NAALAD2: variants seen among roughly 807,000 people sequenced by gnomAD.
The protein encoded by NAALAD2 is N-acetylated-alpha-linked acidic dipeptidase 2.
A neutral mutation model predicts 95.6 loss-of-function variants in NAALAD2; 89 were observed. That is an observed-to-expected ratio of 0.93 (90% CI 0.78 to 1.11). The LOEUF is 1.11. Ranked by LOEUF, NAALAD2 falls within the 50% of genes least tolerant of loss-of-function variation. The probability of loss-of-function intolerance (pLI) is 0.00; values close to 1 mark genes in which losing one functional copy is unlikely to be tolerated. For missense variants in NAALAD2, 894 were observed against 872.4 expected (o/e 1.02, Z -0.31); for synonymous variants, 264 against 294.4 (o/e 0.90, Z 1.06).
At chr11:90,163,789 A>G in intron 11 of NAALAD2, 172 bp downstream of exon 11, 1 of 708,240 alleles carries the variant, frequency 1.4e-6, no homozygotes, top group Non-Finnish European at 2.4e-6. Context: ...CAGTTTGGCA[A>G]TAACCTTTTA....
Position 90,170,119 on chromosome 11 carries a change from T to G in NAALAD2, c.1393T>G (p.Tyr465Asp), listed in dbSNP as rs200072686. Residue 465 changes from tyrosine (Y) to aspartate (D), a missense_variant, in exon 13 of 19, where the codon TAT becomes GAT. Coordinates refer to ENST00000534061, the MANE Select transcript of NAALAD2 (RefSeq NM_005467.4). ...DCTPLLYQLV[Y>D]KLTKEIPSPD... is the part of the protein sequence containing the mutation. ...TACTCCCCTTCTTTACCAATTAGTGTATAAACTGACAAAAGAGGTATATAA... is the reference window on the plus strand; with the variant it reads ...TACTCCCCTTCTTTACCAATTAGTGGATAAACTGACAAAAGAGGTATATAA... 2.8e-5 allele frequency: 45 copies of G among 1,589,872 alleles called. No homozygotes were observed. The African/African-American group carries it at 5.6e-4, about 20-fold the overall frequency.
At chr11:90,185,424 G>A (rs916842693) in intron 18 of NAALAD2, among the ~76,000 whole-genome samples, 20 of 152,038 alleles carry the variant, frequency 1.3e-4, no homozygotes, top group Middle Eastern at 3.4e-3. Context: ...TAATCCCAGC[G>A]CTTTGGGAGG....
chr11:90,149,933 A>C (rs1456908533), intron 4 of NAALAD2, among the ~76,000 whole-genome samples: 1 of 152,022 alleles, frequency 6.6e-6, no homozygotes, highest in Non-Finnish European at 1.5e-5. Flanking sequence ...TACACTGATG[A>C]TTTCTTCAAC....
At chr11:90,142,426 A>G (rs1951642831) in intron 2 of NAALAD2, among the ~76,000 whole-genome samples, 1 of 152,130 alleles carries the variant, frequency 6.6e-6, no homozygotes. Flanking sequence ...CTTTAGTAAT[A>G]ATCTTTTTAA....
chr11:90,175,910 T>A, intron 14 of NAALAD2, 62 bp from the exon 15 acceptor site: 1 of 986,002 alleles, frequency 1.0e-6, no homozygotes, highest in South Asian at 1.4e-5. Context: ...TATTTAACTT[T>A]GTATCATTTA....
rs1952559773 is a variant in NAALAD2, at chr11:90,169,139, C to T, written c.1342+147C>T. On this transcript the variant is annotated intron_variant, in intron 12 of 18. Coordinates refer to ENST00000534061, the MANE Select transcript of NAALAD2 (RefSeq NM_005467.4). ...GATATCCCCTTCCTTTGAGATGCCT[C>T]AGTAATACCTTTATTTTTCATTTTG... 7.6e-6 allele frequency: 4 copies of T among 524,122 alleles called. No individual in the cohort carries two copies. In the South Asian group the frequency reaches 1.2e-4, roughly 16 times the overall value. The allele number at this position is 524,122 out of a possible 1,614,324, so 32.5% of individuals were successfully genotyped here.
Position 90,159,349 on chromosome 11 carries a change from T to C in NAALAD2, c.989+12T>C. 1 of 1,587,580 alleles carries C rather than the reference T, an allele frequency of 6.3e-7. No individual in the cohort carries two copies. The highest frequency in any genetic ancestry group is 1.3e-5 in the African/African-American group (1 of 74,406). On this transcript the variant is annotated intron_variant, in intron 8 of 18. Coordinates refer to ENST00000534061, the MANE Select transcript of NAALAD2 (RefSeq NM_005467.4). Reference sequence around the variant, plus strand: ...AGTGATTCTTTCAGGTAATTTTGCATTACTTTAATAGTCTGAAAAAGTTTT... The same window carrying C: ...AGTGATTCTTTCAGGTAATTTTGCACTACTTTAATAGTCTGAAAAAGTTTT...
intron 2 of NAALAD2, among the ~76,000 whole-genome samples, chr11:90,144,887 G>A (rs1951713763): frequency 6.6e-6 from 1 of 152,128 alleles, no homozygotes; most frequent in South Asian, 2.1e-4. Context: ...AGGGCTTGAA[G>A]AGTGGGTTAA....
chr11:90,148,380 G>C (rs185287111), intron 3 of NAALAD2, among the ~76,000 whole-genome samples: 1 of 152,144 alleles, frequency 6.6e-6, no homozygotes, highest in Non-Finnish European at 1.5e-5. Flanking sequence ...AGTTCAGGAT[G>C]ACTCCGAGAC....
At position 90,177,586 on chromosome 11, in the gene NAALAD2, G is replaced by GTTTTTTTTTTTTTTTTTTTTTTT. The variant is rs57694347; in HGVS notation, c.1594-251_1594-229dup. 3.5e-3 allele frequency among the ~76,000 whole-genome samples: 101 copies of GTTTTTTTTTTTTTTTTTTTTTTT among 28,464 alleles called. 43 individuals are homozygous for GTTTTTTTTTTTTTTTTTTTTTTT. The highest frequency in any genetic ancestry group is 5.0e-3 in the East Asian group (4 of 806). 18.7% of individuals were successfully genotyped at this position (28,464 alleles called of 152,430 possible). A position where few individuals can be genotyped will look rare whatever the true frequency, so the allele number is the denominator to read the frequency against. On this transcript the variant is annotated intron_variant, in intron 15 of 18. Coordinates refer to ENST00000534061, the MANE Select transcript of NAALAD2 (RefSeq NM_005467.4). Reference sequence around the variant, plus strand: ...TATGGTTGTATTTTTTCTTTTTCTTGTTTTTTTTTTTTTTTTTTTTTTTTT... The same window carrying GTTTTTTTTTTTTTTTTTTTTTTT: ...TATGGTTGTATTTTTTCTTTTTCTTGTTTTTTTTTTTTTTTTTTTTTTTTTTTTTTTTTTTTTTTTTTTTTTTT...
intron 6 of NAALAD2, among the ~76,000 whole-genome samples, chr11:90,154,431 T>C (rs1033913049): frequency 2.6e-5 from 4 of 151,958 alleles, no homozygotes; most frequent in Admixed American, 2.0e-4. Flanking sequence ...TTTTGTTAAA[T>C]TATATGATGT....
At chr11:90,132,019 A>G (rs955493285), upstream of NAALAD2, 2 of 152,398 alleles carry the variant, frequency 1.3e-5, no homozygotes, top group African/African-American at 4.8e-5. Flanking sequence ...CCAAGATGGT[A>G]ATAATTAGCA....
chr11:90,150,755 C>T (rs1157471882), intron 5 of NAALAD2, 148 bp downstream of exon 5: 1 of 529,294 alleles, frequency 1.9e-6, no homozygotes, highest in Non-Finnish European at 2.8e-6. Flanking sequence ...CACGGAAACT[C>T]ATGTTTTTAT....
intron 15 of NAALAD2, among the ~76,000 whole-genome samples, chr11:90,177,298 T>C (rs747722790): frequency 1.7e-4 from 25 of 151,328 alleles, no homozygotes; most frequent in Non-Finnish European, 3.4e-4. Flanking sequence ...AGCTGTGTAC[T>C]TAGCTGCCCA....
intron 18 of NAALAD2, among the ~76,000 whole-genome samples, chr11:90,184,543 T>A (rs1857066065): frequency 6.6e-6 from 1 of 152,134 alleles, no homozygotes; most frequent in Non-Finnish European, 1.5e-5. Flanking sequence ...ATCTACAGTG[T>A]TTGTTAGTCC....
chr11:90,135,817 C>G (rs1166158012), intron 2 of NAALAD2, 147 bp downstream of exon 2: 10 of 554,886 alleles, frequency 1.8e-5, no homozygotes, highest in Non-Finnish European at 3.0e-5. Context: ...TTTTTAATGT[C>G]TCTTTACACC....
chr11:90,168,071 C>T (rs1952527765), intron 11 of NAALAD2, among the ~76,000 whole-genome samples: 1 of 152,154 alleles, frequency 6.6e-6, no homozygotes, highest in South Asian at 2.1e-4. Flanking sequence ...AGCTGTAACA[C>T]TCACCTTGAA....
rs149962564 is a variant in NAALAD2 at position 90,159,407 on chromosome 11, TTCTGCCA to T, written c.989+71_989+77del. 2.3e-3 allele frequency: 2,578 copies of T among 1,134,816 alleles called. 42 individuals carry two copies. In the African/African-American group the frequency reaches 0.036, roughly 16 times the overall value. The allele number at this position is 1,134,816 out of a possible 1,614,324, so 70.3% of individuals were successfully genotyped here. On this transcript the variant is annotated intron_variant, in intron 8 of 18. Transcript: ENST00000534061. The stretch of plus-strand genomic sequence containing the variant: ...TAATGGAAACATGTCAAGATAACTG[TTCTGCCA>T]GGGGTATTTTGCTTATCTCTTTTTC...
At chr11:90,160,294 C>T (rs185252104) in intron 8 of NAALAD2, among the ~76,000 whole-genome samples, 1 of 152,254 alleles carries the variant, frequency 6.6e-6, no homozygotes, top group East Asian at 1.9e-4. Flanking sequence ...AACAGCGTGG[C>T]ATGATCAGAA....
Sources: gnomAD v4.1 joint callset for allele counts (sites outside exome capture counted in the v4.1 genomes callset) on GRCh38, gnomAD v4.1.1 for gene constraint, MANE v1.5 for transcripts, NCBI Gene and HGNC (gene_info 2026-07-23, HGNC 2026-07-21) for gene names.